Variants in CYTH3 observed in about 807,000 individuals in gnomAD.
CYTH3 encodes the protein cytohesin-3.
CYTH3 carries 23 observed loss-of-function variants against 55.1 expected under a neutral mutation model. The observed-to-expected ratio is 0.42, with a 90% CI of 0.30 to 0.59. The LOEUF is 0.59. Among genes scored for constraint, CYTH3 ranks in the 20% least tolerant of loss-of-function variants. CYTH3 has a pLI of 0.20. For missense variants in CYTH3, 413 were observed against 524.8 expected (o/e 0.79, Z 2.08); for synonymous variants, 249 against 194.9 (o/e 1.28, Z -2.31).
chr7:6,170,334 G>A lies in CYTH3; in HGVS notation c.823+201C>T, dbSNP rs995438366. On this transcript the variant is annotated intron_variant, in intron 9 of 12. Coordinates refer to ENST00000350796, the MANE Select transcript of CYTH3 (RefSeq NM_004227.4). This position sits in a 1 kb window ranked among gnomAD's most constrained non-coding sequence, Gnocchi z 7.8. ...CAGCCTGGGCGCTACTCTCTGCCGCGGGCATGGCTCTGAGGCCCCGGCTCG... is the reference window on the plus strand; with the variant it reads ...CAGCCTGGGCGCTACTCTCTGCCGCAGGCATGGCTCTGAGGCCCCGGCTCG... The A allele has an allele frequency of 4.3e-5, 25 of 582,746 alleles. No homozygotes were observed. The highest frequency in any genetic ancestry group is 7.2e-5 in the Non-Finnish European group (24 of 331,812). The allele number at this position is 582,746 out of a possible 1,614,324, so 36.1% of individuals were successfully genotyped here. A position where few individuals can be genotyped will look rare whatever the true frequency, so the allele number is the denominator to read the frequency against.
At chr7:6,168,583 G>A (rs114501006) in intron 9 of CYTH3, among the ~76,000 whole-genome samples, 4,139 of 152,182 alleles carry the variant, frequency 0.027, 179 homozygotes, top group African/African-American at 0.094. Context: ...GGTGCTCACC[G>A]GGCCGCCCAC....
intron 2 of CYTH3, 23 bp downstream of exon 2, chr7:6,190,426 T>TG: frequency 3.5e-6 from 5 of 1,426,672 alleles, no homozygotes; most frequent in Non-Finnish European, 4.6e-6. Context: ...TTTGGATTTT[T>TG]GGTTTTTTTT....
intron 1 of CYTH3, among the ~76,000 whole-genome samples, chr7:6,239,944 C>T (rs1436301227): frequency 6.6e-6 from 1 of 152,156 alleles, no homozygotes; most frequent in Non-Finnish European, 1.5e-5. Flanking sequence ...ATAAATTTAA[C>T]GTAATCAGAA....
intron 1 of CYTH3, among the ~76,000 whole-genome samples, chr7:6,263,781 G>A (rs1297589365): frequency 6.8e-6 from 1 of 147,652 alleles, no homozygotes; most frequent in Non-Finnish European, 1.5e-5. Flanking sequence ...CTGGGAAACA[G>A]AGTGAGGACA....
intron 1 of CYTH3, among the ~76,000 whole-genome samples, chr7:6,221,050 AATTT>A (rs1357209995): frequency 1.3e-5 from 2 of 152,196 alleles, no homozygotes; most frequent in Admixed American, 6.5e-5. Flanking sequence ...TCACCTGAGA[AATTT>A]ATTTATTCCA....
chr7:6,241,097 G>A (rs1219328909), intron 1 of CYTH3, among the ~76,000 whole-genome samples: 2 of 152,144 alleles, frequency 1.3e-5, no homozygotes, highest in African/African-American at 4.8e-5. Context: ...ACTCCAGCCT[G>A]GGCGACAGAG....
intron 1 of CYTH3, among the ~76,000 whole-genome samples, chr7:6,252,616 C>CAACAACAA (rs1396323460): frequency 6.6e-6 from 1 of 151,958 alleles, no homozygotes; most frequent in African/African-American, 2.4e-5. Flanking sequence ...GATACATGAA[C>CAACAACAA]AACAACAAAA....
In CYTH3 at chr7:6,169,052, G is replaced by A. The variant is rs1457994725; in HGVS notation, c.823+1483C>T. 1.3e-5 allele frequency among the ~76,000 whole-genome samples: 2 copies of A among 152,172 alleles called. No individual in the cohort carries two copies. The highest frequency in any genetic ancestry group is 4.8e-5 in the African/African-American group (2 of 41,434). ...ACCCGAGCCAAAGACCATGGTACTA[G>A]GTTTTCAGGCAAATATCTACAACTC... On this transcript the variant is annotated intron_variant, in intron 9 of 12. Transcript: ENST00000350796. This position sits in a 1 kb window ranked among gnomAD's most constrained non-coding sequence, Gnocchi z 4.1.
At chr7:6,197,782 T>TA (rs1244880038) in intron 1 of CYTH3, among the ~76,000 whole-genome samples, 1 of 151,918 alleles carries the variant, frequency 6.6e-6, no homozygotes, top group East Asian at 1.9e-4. Flanking sequence ...TTTTTCATGT[T>TA]AAAAAAAAAT....
chr7:6,170,905 C>T lies in CYTH3; in HGVS notation c.636G>A (p.Lys212=), dbSNP rs1256105067. 1 of 1,613,964 alleles carries T rather than the reference C, an allele frequency of 6.2e-7. No individual in the cohort carries two copies. Among genetic ancestry groups the T allele is most frequent in the Non-Finnish European group, 8.5e-7 (1 of 1,179,928 alleles). The change falls in exon 8 of 13, where the codon AAG becomes AAA. Residue 212 remains lysine (K), a synonymous_variant. Transcript: ENST00000350796. This position sits in a 1 kb window ranked among gnomAD's most constrained non-coding sequence, Gnocchi z 7.8. ...TGGCGATGAACCGTTCTGCCGTGGG[C>T]TTGTCACGCACGTTGTGGTTGTGGA... is the stretch of plus-strand genomic sequence containing the variant. ...TSLHNHNVRD[K]PTAERFIAMN...
At chr7:6,263,014 C>T (rs1401692990) in intron 1 of CYTH3, among the ~76,000 whole-genome samples, 1 of 151,906 alleles carries the variant, frequency 6.6e-6, no homozygotes, top group Middle Eastern at 3.2e-3. Flanking sequence ...CATTAAGCAA[C>T]ACCACTACCA....
At chr7:6,251,148 G>A (rs1454889719) in intron 1 of CYTH3, among the ~76,000 whole-genome samples, 1 of 152,128 alleles carries the variant, frequency 6.6e-6, no homozygotes, top group African/African-American at 2.4e-5. Context: ...GGTGGCGGGC[G>A]CCTGTAGTCT....
intron 1 of CYTH3, among the ~76,000 whole-genome samples, chr7:6,234,977 C>T (rs1779479987): frequency 6.6e-6 from 1 of 152,228 alleles, no homozygotes; most frequent in Non-Finnish European, 1.5e-5. Context: ...TGATCCCTCA[C>T]TTCAGTGCCT....
rs189237769 is a variant in CYTH3 at position 6,221,823 on chromosome 7, G to A, written c.35-31292C>T. Among the ~76,000 whole-genome samples the A allele has an allele frequency of 5.1e-4, 78 of 152,240 alleles. 1 individual carries two copies. Among genetic ancestry groups the A allele is most frequent in the African/African-American group, 1.8e-3 (74 of 41,548 alleles). ...GGAAATTAGCCAGACATAGTGAGGC[G>A]TGTCTGTGGTCCCAGCTACTGGGAA... On this transcript the variant is annotated intron_variant, in intron 1 of 12. Coordinates refer to ENST00000350796, the MANE Select transcript of CYTH3 (RefSeq NM_004227.4).
chr7:6,250,110 C>T (rs186176793), intron 1 of CYTH3, among the ~76,000 whole-genome samples: 2 of 152,274 alleles, frequency 1.3e-5, no homozygotes, highest in East Asian at 3.9e-4. Context: ...TGGGATCACA[C>T]TGGAATCCCC....
chr7:6,181,849 C>T (rs948285448), intron 4 of CYTH3, among the ~76,000 whole-genome samples: 7 of 152,150 alleles, frequency 4.6e-5, no homozygotes, highest in Admixed American at 1.3e-4. Flanking sequence ...TCTTCAGCCA[C>T]GTCTTCTCCA....
rs1782856878 is a variant in CYTH3, at chr7:6,162,344, C to T, written c.*2600G>A. On this transcript the variant is annotated 3_prime_UTR_variant, in exon 13 of 13. Coordinates refer to ENST00000350796, the MANE Select transcript of CYTH3 (RefSeq NM_004227.4). ...CCCCGCGGGGCTCCCCTCACTGCCT[C>T]CTGGCCTCTGTCTCTGGAAAAAAGT... The T allele has an allele frequency of 1.3e-5, 2 of 152,262 alleles. No homozygotes were observed. The highest frequency in any genetic ancestry group is 2.9e-5 in the Non-Finnish European group (2 of 68,048). 9.4% of individuals were successfully genotyped at this position (152,262 alleles called of 1,614,324 possible).
At chr7:6,197,212 C>T (rs1783955871) in intron 1 of CYTH3, among the ~76,000 whole-genome samples, 1 of 152,206 alleles carries the variant, frequency 6.6e-6, no homozygotes, top group Admixed American at 6.5e-5. Context: ...TGAATAAGCA[C>T]TAGCCGTTTA....
chr7:6,193,091 GAAA>G (rs1783842193), intron 1 of CYTH3, among the ~76,000 whole-genome samples: 2 of 152,188 alleles, frequency 1.3e-5, no homozygotes, highest in African/African-American at 4.8e-5. Flanking sequence ...AGAATCGCTT[GAAA>G]CAGGAAAGCA....
Sources: gnomAD v4.1 joint callset for allele counts (sites outside exome capture counted in the v4.1 genomes callset) on GRCh38, gnomAD v4.1.1 for gene constraint, Gnocchi (gnomAD v3.1) non-coding constraint, MANE v1.5 for transcripts, NCBI Gene and HGNC (gene_info 2026-07-23, HGNC 2026-07-21) for gene names.